SDK1: variants seen among roughly 807,000 people sequenced by gnomAD.
SDK1 encodes the protein protein sidekick-1.
SDK1 carries 157 observed loss-of-function variants against 245.5 expected under a neutral mutation model. The ratio of observed to expected loss-of-function variants is 0.64; its 90% CI spans 0.56 to 0.73. The LOEUF is 0.73. Ranked by LOEUF, SDK1 falls within the 30% of genes least tolerant of loss-of-function variation. SDK1 has a pLI of 0.00. For missense variants in SDK1, 3,583 were observed against 3,002.3 expected, an observed-to-expected ratio of 1.19 and a Z score of -4.52; for synonymous variants, 1,647 against 1,278.5, an observed-to-expected ratio of 1.29 and a Z score of -6.15.
chr7:3,358,287 G>A (rs377642473), intron 1 of SDK1, among the ~76,000 whole-genome samples: 4 of 152,166 alleles, frequency 2.6e-5, no homozygotes, highest in Non-Finnish European at 4.4e-5. Context: ...CTCCCAAAGT[G>A]CTGGGATTAG....
intron 1 of SDK1, among the ~76,000 whole-genome samples, chr7:3,598,971 GA>G (rs1267291757): frequency 1.3e-5 from 2 of 151,910 alleles, no homozygotes; most frequent in African/African-American, 4.8e-5. Context: ...AAATGCCCAA[GA>G]GAACAGTTGC....
chr7:4,007,213 C>T (rs961051161), intron 14 of SDK1, among the ~76,000 whole-genome samples: 13 of 152,314 alleles, frequency 8.5e-5, no homozygotes, highest in Admixed American at 2.6e-4. Context: ...GGAATGTTTG[C>T]AGAGGTGCGG....
intron 5 of SDK1, among the ~76,000 whole-genome samples, chr7:3,847,078 T>C (rs1312486325): frequency 2.6e-5 from 4 of 151,986 alleles, no homozygotes; most frequent in African/African-American, 4.8e-5. Flanking sequence ...TGCTTTCCCA[T>C]TAAGCATTGT....
chr7:3,832,794 C>G (rs1231492053), intron 5 of SDK1, among the ~76,000 whole-genome samples: 1 of 151,984 alleles, frequency 6.6e-6, no homozygotes, highest in Non-Finnish European at 1.5e-5. Flanking sequence ...TGCCTGCACC[C>G]CTTTACCTTT....
chr7:4,268,593 A>G lies in SDK1; in HGVS notation c.*3209A>G, dbSNP rs1394846081. The stretch of plus-strand genomic sequence containing the variant: ...ACAGGTCTTCGGAGGCCGTGTTTGT[A>G]TCTAACTGTGACTGGGCTGAAGCAT... On this transcript the variant is annotated 3_prime_UTR_variant, in exon 45 of 45. Transcript: ENST00000404826. The G allele has an allele frequency of 1.5e-6, 2 of 1,362,464 alleles. No homozygotes were observed. The highest frequency in any genetic ancestry group is 9.8e-7 in the Non-Finnish European group (1 of 1,019,096). The allele number at this position is 1,362,464 out of a possible 1,614,324, so 84.4% of individuals were successfully genotyped here. A position where few individuals can be genotyped will look rare whatever the true frequency, so the allele number is the denominator to read the frequency against.
chr7:3,338,075 T>G (rs1315423360), intron 1 of SDK1: 2 of 180,676 alleles, frequency 1.1e-5, no homozygotes, highest in Non-Finnish European at 2.3e-5. Flanking sequence ...GCTTAAAAAG[T>G]GGGGAAGGGC....
intron 5 of SDK1, among the ~76,000 whole-genome samples, chr7:3,879,196 A>C (rs920624460): frequency 2.0e-5 from 3 of 152,196 alleles, no homozygotes; most frequent in African/African-American, 7.2e-5. Context: ...CGTGAAGCCA[A>C]ACCAAGCAGT....
chr7:4,066,028 G>A (rs1019559000), intron 19 of SDK1, among the ~76,000 whole-genome samples: 1 of 152,130 alleles, frequency 6.6e-6, no homozygotes, highest in Non-Finnish European at 1.5e-5. Context: ...TAGGGGAGTC[G>A]TGTGGTGTGG....
Position 3,722,717 on chromosome 7 carries a change from C to A in SDK1, c.713+80612C>A, listed in dbSNP as rs1017035733. ...CTGCAGGCTGAACTCAAGTGCCCCACCCCCTGGTGCAGAATCCTCAGATCC... is the reference window on the plus strand; with the variant it reads ...CTGCAGGCTGAACTCAAGTGCCCCAACCCCTGGTGCAGAATCCTCAGATCC... On this transcript the variant is annotated intron_variant, in intron 4 of 44. Transcript: ENST00000404826. 1.1e-4 allele frequency among the ~76,000 whole-genome samples: 17 copies of A among 152,312 alleles called. No homozygotes were observed. The East Asian group carries it at 3.3e-3, about 29-fold the overall frequency.
intron 5 of SDK1, among the ~76,000 whole-genome samples, chr7:3,884,349 G>T (rs745599287): frequency 6.6e-6 from 1 of 152,100 alleles, no homozygotes; most frequent in African/African-American, 2.4e-5. Context: ...TGTGTCTGGC[G>T]CATAAAAGGA....
chr7:3,381,047 T>A (rs887540058), intron 1 of SDK1, among the ~76,000 whole-genome samples: 3 of 152,204 alleles, frequency 2.0e-5, no homozygotes, highest in African/African-American at 7.2e-5. Flanking sequence ...ACTTGCTGTG[T>A]CAGCTGCAGG....
chr7:3,837,114 C>T (rs548067715), intron 5 of SDK1, among the ~76,000 whole-genome samples: 4 of 152,152 alleles, frequency 2.6e-5, no homozygotes, highest in African/African-American at 7.2e-5. Context: ...AATACAGTCA[C>T]AATACAGGTT....
At chr7:3,772,163 T>G (rs2115001151) in intron 4 of SDK1, among the ~76,000 whole-genome samples, 1 of 152,224 alleles carries the variant, frequency 6.6e-6, no homozygotes, top group East Asian at 1.9e-4. Flanking sequence ...CCTATATGTC[T>G]TATCACTTTT....
At chr7:3,533,709 C>G (rs1240369278) in intron 1 of SDK1, among the ~76,000 whole-genome samples, 1 of 151,974 alleles carries the variant, frequency 6.6e-6, no homozygotes, top group Non-Finnish European at 1.5e-5. Context: ...TGCTAGTTTC[C>G]TGTTGAATTT....
chr7:3,568,012 G>A (rs1283754214), intron 1 of SDK1, among the ~76,000 whole-genome samples: 12 of 152,088 alleles, frequency 7.9e-5, no homozygotes, highest in Non-Finnish European at 7.4e-5. Flanking sequence ...GCAGAGACCA[G>A]GTCTCACTAT....
intron 14 of SDK1, among the ~76,000 whole-genome samples, chr7:4,007,858 C>T (rs1785611096): frequency 6.6e-6 from 1 of 152,150 alleles, no homozygotes; most frequent in Non-Finnish European, 1.5e-5. Context: ...CCTGCCTCAG[C>T]CTCCAAAAGT....
intron 40 of SDK1, 66 bp downstream of exon 40, chr7:4,221,430 C>A: frequency 1.3e-6 from 2 of 1,505,320 alleles, no homozygotes; most frequent in Non-Finnish European, 1.8e-6. Context: ...AAGACTGTGT[C>A]GGGGGCTTCC....
rs904608420 is a variant in SDK1 at position 3,474,711 on chromosome 7, G to C, written c.299-144369G>C. Among the ~76,000 whole-genome samples the C allele has an allele frequency of 7.2e-5, 11 of 151,896 alleles. No individual in the cohort carries two copies. The East Asian group carries it at 7.7e-4, about 11-fold the overall frequency. Reference sequence around the variant, plus strand: ...CATTACTTCTATTTTTATTTTTTGAGACAGGGTCTTACTCTGTCACCCAGG... The same window carrying C: ...CATTACTTCTATTTTTATTTTTTGACACAGGGTCTTACTCTGTCACCCAGG... On this transcript the variant is annotated intron_variant, in intron 1 of 44. Coordinates refer to ENST00000404826, the MANE Select transcript of SDK1 (RefSeq NM_152744.4).
chr7:4,193,153 T>C (rs1476259725), intron 35 of SDK1, among the ~76,000 whole-genome samples: 5 of 131,516 alleles, frequency 3.8e-5, no homozygotes. Flanking sequence ...TATATTTATA[T>C]AATATATATT....
Sources: allele counts gnomAD v4.1 joint callset (sites outside exome capture counted in the v4.1 genomes callset), GRCh38; gene constraint gnomAD v4.1.1; transcripts MANE v1.5; gene names NCBI Gene and HGNC (gene_info 2026-07-23, HGNC 2026-07-21).